Variants in NRXN1 observed in about 807,000 individuals in gnomAD.
NRXN1 encodes neurexin-1.
NRXN1 carries 39 observed loss-of-function variants against 150.9 expected under a neutral mutation model. The ratio of observed to expected loss-of-function variants is 0.26; its 90% CI spans 0.20 to 0.34. The LOEUF is 0.34. Ranked by LOEUF, NRXN1 falls within the 10% of genes least tolerant of loss-of-function variation. NRXN1 has a pLI of 1.00. For missense variants in NRXN1, 1,815 were observed against 1,949.9 expected (o/e 0.93, Z 1.30); for synonymous variants, 924 against 757.0 (o/e 1.22, Z -3.62).
In NRXN1 at chr2:50,227,034, C is replaced by A. The variant is rs1468132667; in HGVS notation, c.3546+9755G>T. ...AAATTCCCTGCTTTCATGACACTTG[C>A]TGCTCGGCATCATGCTGTTCAGTAT... On this transcript the variant is annotated intron_variant, in intron 18 of 22. Coordinates refer to ENST00000401669, the MANE Select transcript of NRXN1 (RefSeq NM_001330078.2). Among the ~76,000 whole-genome samples the A allele has an allele frequency of 2.0e-5, 3 of 151,936 alleles. No individual in the cohort carries two copies. The East Asian group carries it at 5.8e-4, about 30-fold the overall frequency.
chr2:50,113,919 G>A (rs1365160165), intron 18 of NRXN1, among the ~76,000 whole-genome samples: 1 of 152,092 alleles, frequency 6.6e-6, no homozygotes, highest in Non-Finnish European at 1.5e-5. Flanking sequence ...ATGTACACAG[G>A]AGACTATGTG....
chr2:50,965,390 T>C (rs1693897776), intron 2 of NRXN1, among the ~76,000 whole-genome samples: 1 of 151,274 alleles, frequency 6.6e-6, no homozygotes, highest in South Asian at 2.1e-4. Flanking sequence ...GACCAAATAT[T>C]TGTATCTCTC....
intron 15 of NRXN1, among the ~76,000 whole-genome samples, chr2:50,491,825 C>G (rs893372979): frequency 6.6e-6 from 1 of 152,132 alleles, no homozygotes; most frequent in East Asian, 1.9e-4. Context: ...GAAGGATAAA[C>G]TTAGCTAATG....
chr2:50,947,212 T>A (rs936006896), intron 2 of NRXN1, among the ~76,000 whole-genome samples: 4 of 152,024 alleles, frequency 2.6e-5, no homozygotes, highest in African/African-American at 2.4e-5. Flanking sequence ...TCAACTCATA[T>A]CAAAATCAAC....
chr2:49,994,444 T>C (rs543294372), intron 21 of NRXN1, among the ~76,000 whole-genome samples: 1 of 152,320 alleles, frequency 6.6e-6, no homozygotes, highest in Admixed American at 6.5e-5. Flanking sequence ...AATTCACAGA[T>C]AATACGACAC....
At chr2:50,557,661 C>T (rs1668450407) in intron 8 of NRXN1, among the ~76,000 whole-genome samples, 1 of 152,208 alleles carries the variant, frequency 6.6e-6, no homozygotes, top group Non-Finnish European at 1.5e-5. Context: ...AGTTAAAGTG[C>T]TAATAATGGG....
intron 5 of NRXN1, among the ~76,000 whole-genome samples, chr2:50,760,095 T>C (rs1701629271): frequency 6.6e-6 from 1 of 151,910 alleles, no homozygotes; most frequent in Non-Finnish European, 1.5e-5. Flanking sequence ...AAAATCTCGC[T>C]GCACACAGCC....
intron 2 of NRXN1, among the ~76,000 whole-genome samples, chr2:50,967,856 G>A (rs1694348570): frequency 6.6e-6 from 1 of 151,768 alleles, no homozygotes; most frequent in African/African-American, 2.4e-5. Flanking sequence ...TAGTTTTTCT[G>A]CTTATTTCAC....
intron 8 of NRXN1, among the ~76,000 whole-genome samples, chr2:50,597,222 T>C (rs1185992413): frequency 6.6e-6 from 1 of 152,128 alleles, no homozygotes; most frequent in African/African-American, 2.4e-5. Context: ...TAGGCTTTAG[T>C]TGGGTCTCTG....
chr2:50,077,892 C>T (rs935023362), intron 19 of NRXN1, among the ~76,000 whole-genome samples: 4 of 151,988 alleles, frequency 2.6e-5, no homozygotes, highest in Non-Finnish European at 5.9e-5. Context: ...GAAAGTCTGT[C>T]TCAACTTTGC....
chr2:50,929,142 G>T (rs976850927), intron 2 of NRXN1, among the ~76,000 whole-genome samples: 1 of 151,728 alleles, frequency 6.6e-6, no homozygotes, highest in East Asian at 1.9e-4. Context: ...TTTTATCTTC[G>T]GCCCCCAGCT....
At chr2:50,530,114 T>C (rs1330792746) in intron 11 of NRXN1, among the ~76,000 whole-genome samples, 2 of 152,158 alleles carry the variant, frequency 1.3e-5, no homozygotes, top group East Asian at 3.9e-4. Context: ...TATACGTGTG[T>C]TTAACACTGT....
At chr2:50,225,904 T>C (rs561994908) in intron 18 of NRXN1, among the ~76,000 whole-genome samples, 24 of 152,176 alleles carry the variant, frequency 1.6e-4, no homozygotes, top group African/African-American at 5.3e-4. Context: ...AAATGCTTTA[T>C]GTAGCAGATA....
chr2:50,835,299 G>C (rs1671957195), intron 5 of NRXN1, among the ~76,000 whole-genome samples: 1 of 152,026 alleles, frequency 6.6e-6, no homozygotes, highest in Admixed American at 6.5e-5. Context: ...CTTAAAATAA[G>C]ATTTTACTCA....
intron 5 of NRXN1, among the ~76,000 whole-genome samples, chr2:50,701,931 A>T (rs1049117585): frequency 4.6e-5 from 7 of 152,130 alleles, no homozygotes; most frequent in Admixed American, 1.3e-4. Flanking sequence ...GTGCTTGTCC[A>T]TTGTTGCTTT....
At chr2:49,941,975 G>C (rs1459408640) in intron 22 of NRXN1, among the ~76,000 whole-genome samples, 3 of 152,118 alleles carry the variant, frequency 2.0e-5, no homozygotes, top group Non-Finnish European at 4.4e-5. Context: ...TGACAGAAAA[G>C]CAATAGCAAT....
rs530968282 is a variant in NRXN1 at position 51,010,693 on chromosome 2, G to C, written c.772+16809C>G. On this transcript the variant is annotated intron_variant, in intron 2 of 22. Transcript: ENST00000401669. ...GTTACTGTTAAACTGCCTCTCAAAA[G>C]AACTATAATAATACACACTCCATCC... is the stretch of plus-strand genomic sequence containing the variant. Among the ~76,000 whole-genome samples, 62 of 151,966 alleles carry C rather than the reference G, an allele frequency of 4.1e-4. 1 individual carries two copies. The highest frequency in any genetic ancestry group is 1.3e-3 in the African/African-American group (53 of 41,476).
intron 2 of NRXN1, among the ~76,000 whole-genome samples, chr2:50,940,541 G>A (rs539396371): frequency 6.6e-6 from 1 of 151,432 alleles, no homozygotes; most frequent in Non-Finnish European, 1.5e-5. Context: ...ATAACCTTGT[G>A]CTCTCTGGGT....
intron 17 of NRXN1, among the ~76,000 whole-genome samples, chr2:50,329,624 T>C (rs1360880372): frequency 5.3e-4 from 2 of 3,796 alleles, no homozygotes; most frequent in African/African-American, 9.8e-4. Flanking sequence ...TGTGTATATA[T>C]ATATATATAT....
Sources: allele counts gnomAD v4.1 joint callset (sites outside exome capture counted in the v4.1 genomes callset), GRCh38; gene constraint gnomAD v4.1.1; transcripts MANE v1.5; gene names NCBI Gene and HGNC (gene_info 2026-07-23, HGNC 2026-07-21).